The following MSRA variants were observed in gnomAD, a reference collection of about 807,000 sequenced individuals.
MSRA encodes mitochondrial peptide methionine sulfoxide reductase.
Under a neutral mutation model 31.3 loss-of-function variants are expected in MSRA, and 54 were observed. The observed-to-expected ratio is 1.73, with a 90% CI of 1.39 to 2.17. The LOEUF (loss-of-function observed/expected upper bound fraction) is 2.17, where lower values mean the gene tolerates loss of function less well. Among genes scored for constraint, MSRA ranks in the 30% most tolerant of loss-of-function variants. The pLI is 0.00. For synonymous variants in MSRA, 169 were observed against 116.5 expected (o/e 1.45, Z -2.90); for missense variants, 507 against 300.9 (o/e 1.69, Z -5.07).
chr8:10,064,155 A>T (rs1415891738), intron 1 of MSRA, among the ~76,000 whole-genome samples: 1 of 152,160 alleles, frequency 6.6e-6, no homozygotes, highest in Non-Finnish European at 1.5e-5. Flanking sequence ...TGCTGGCATG[A>T]TCAGAGTTCT....
chr8:10,396,694 C>T (rs2981265), intron 5 of MSRA, among the ~76,000 whole-genome samples: 2 of 152,222 alleles, frequency 1.3e-5, no homozygotes, highest in African/African-American at 4.8e-5. Flanking sequence ...GGGAACTGCC[C>T]TTAGAAATGT....
At chr8:10,062,228 T>A (rs995790673) in intron 1 of MSRA, among the ~76,000 whole-genome samples, 8 of 152,262 alleles carry the variant, frequency 5.3e-5, no homozygotes, top group African/African-American at 1.7e-4. Context: ...CTCCTTCCCA[T>A]GCAGCAGCAG....
chr8:10,268,850 C>G (rs923352462), intron 3 of MSRA, among the ~76,000 whole-genome samples: 6 of 152,248 alleles, frequency 3.9e-5, no homozygotes, highest in African/African-American at 1.4e-4. Context: ...TTCCTGTTAT[C>G]CTCCTGGAAT....
At chr8:10,101,333 T>G (rs906634718) in intron 1 of MSRA, among the ~76,000 whole-genome samples, 1 of 152,218 alleles carries the variant, frequency 6.6e-6, no homozygotes, top group South Asian at 2.1e-4. Flanking sequence ...GTAGATATTA[T>G]TTATGTTTTA....
chr8:10,058,156 A>G (rs879299638), intron 1 of MSRA, among the ~76,000 whole-genome samples: 11 of 152,198 alleles, frequency 7.2e-5, no homozygotes, highest in Non-Finnish European at 1.3e-4. Flanking sequence ...CATGTTAAAA[A>G]CAGATGTAGA....
At chr8:10,303,772 C>A (rs142900658) in intron 4 of MSRA, among the ~76,000 whole-genome samples, 43 of 152,266 alleles carry the variant, frequency 2.8e-4, no homozygotes, top group African/African-American at 9.9e-4. Context: ...AGAGATCCTC[C>A]GTCAGGAACC....
At chr8:10,259,766 TCCC>T (rs1434540567) in intron 3 of MSRA, among the ~76,000 whole-genome samples, 6 of 152,190 alleles carry the variant, frequency 3.9e-5, no homozygotes, top group Non-Finnish European at 8.8e-5. Flanking sequence ...TTCCACCCTC[TCCC>T]GGACCTCAGC....
At chr8:10,290,247 G>A (rs1297710865) in intron 3 of MSRA, among the ~76,000 whole-genome samples, 4 of 152,164 alleles carry the variant, frequency 2.6e-5, no homozygotes, top group Non-Finnish European at 5.9e-5. Context: ...TGAGTAGGAG[G>A]AGGCAGAAGT....
chr8:10,181,380 G>C (rs1054877555), intron 1 of MSRA, among the ~76,000 whole-genome samples: 2 of 151,056 alleles, frequency 1.3e-5, no homozygotes, highest in African/African-American at 4.9e-5. Flanking sequence ...ATGATCAAAA[G>C]ACAGCGTGCA....
intron 5 of MSRA, among the ~76,000 whole-genome samples, chr8:10,419,232 G>A (rs565721669): frequency 6.6e-6 from 1 of 152,262 alleles, no homozygotes; most frequent in South Asian, 2.1e-4. Context: ...AGAACACTCG[G>A]CATCCTGGGG....
chr8:10,401,380 G>A (rs375550640), intron 5 of MSRA, among the ~76,000 whole-genome samples: 16 of 152,152 alleles, frequency 1.1e-4, no homozygotes, highest in African/African-American at 3.1e-4. Flanking sequence ...CCATTAGGAC[G>A]GCTATTATCA....
chr8:10,316,565 T>TCTCC lies in MSRA; in HGVS notation c.437-3315_437-3314insCCTC, dbSNP rs1247504538. Among the ~76,000 whole-genome samples the TCTCC allele has an allele frequency of 3.4e-5, 5 of 149,164 alleles. No individual in the cohort carries two copies. The East Asian group carries it at 7.8e-4, about 23-fold the overall frequency. On this transcript the variant is annotated intron_variant, in intron 4 of 5. Transcript: ENST00000317173. ...CTCTCTCTCTCTCTCTCTCTCTCTC[T>TCTCC]CTCTCTCTCCTTCCTCCTCCTCTTC...
chr8:10,280,803 A>G (rs917629613), intron 3 of MSRA, among the ~76,000 whole-genome samples: 9 of 152,258 alleles, frequency 5.9e-5, no homozygotes, highest in African/African-American at 2.2e-4. Flanking sequence ...GTGAATGGGT[A>G]AATAAAATAA....
intron 5 of MSRA, among the ~76,000 whole-genome samples, chr8:10,408,263 G>T (rs538238609): frequency 6.6e-6 from 1 of 152,184 alleles, no homozygotes; most frequent in Non-Finnish European, 1.5e-5. Context: ...TGGGCTGGGC[G>T]TGGTGGCTCA....
At chr8:10,110,714 C>T (rs534990348) in intron 1 of MSRA, among the ~76,000 whole-genome samples, 1 of 152,184 alleles carries the variant, frequency 6.6e-6, no homozygotes, top group African/African-American at 2.4e-5. Flanking sequence ...GCTGGCTGAC[C>T]TGTGCTGTCT....
intron 1 of MSRA, among the ~76,000 whole-genome samples, chr8:10,127,405 A>G (rs1664380013): frequency 6.6e-6 from 1 of 152,212 alleles, no homozygotes; most frequent in South Asian, 2.1e-4. Flanking sequence ...CATGAATTAA[A>G]TCTATATGGA....
At chr8:10,367,704 G>A (rs557976374) in intron 5 of MSRA, among the ~76,000 whole-genome samples, 2 of 152,326 alleles carry the variant, frequency 1.3e-5, no homozygotes, top group African/African-American at 4.8e-5. Flanking sequence ...GGCTCCGATC[G>A]CGGGCATCCC....
intron 1 of MSRA, among the ~76,000 whole-genome samples, chr8:10,176,929 C>G (rs973631579): frequency 6.6e-6 from 1 of 152,192 alleles, no homozygotes; most frequent in South Asian, 2.1e-4. Flanking sequence ...TTAGCTTCCT[C>G]TTAGTACAGA....
At chr8:10,426,458 G>A (rs1376517272) in intron 5 of MSRA, among the ~76,000 whole-genome samples, 1 of 152,262 alleles carries the variant, frequency 6.6e-6, no homozygotes, top group Non-Finnish European at 1.5e-5. Context: ...AGAGGGCCAG[G>A]AGGAGCTGGC....
Sources: allele counts gnomAD v4.1 joint callset (sites outside exome capture counted in the v4.1 genomes callset), GRCh38; gene constraint gnomAD v4.1.1; transcripts MANE v1.5; gene names NCBI Gene and HGNC (gene_info 2026-07-23, HGNC 2026-07-21).